The following CACTIN variants were observed in gnomAD, a reference collection of about 807,000 sequenced individuals.
The protein encoded by CACTIN is splicing factor Cactin.
In CACTIN, 20 loss-of-function variants were observed where a neutral mutation model predicts 84.9. The observed-to-expected ratio is 0.24, with a 90% CI of 0.17 to 0.34. The LOEUF (loss-of-function observed/expected upper bound fraction) is 0.34. Among genes scored for constraint, CACTIN ranks in the 10% least tolerant of loss-of-function variants. CACTIN has a pLI of 1.00. For synonymous variants in CACTIN, 549 were observed against 467.9 expected (o/e 1.17, Z -2.24); for missense variants, 897 against 1,117.2 (o/e 0.80, Z 2.81).
rs745644748 is a variant in CACTIN at position 3,611,250 on chromosome 19, C to T, written c.*673G>A. The T allele has an allele frequency of 7.4e-5, 33 of 448,072 alleles. No individual in the cohort carries two copies. Among genetic ancestry groups the T allele is most frequent in the Non-Finnish European group, 1.2e-4 (26 of 223,506 alleles). The allele number at this position is 448,072 out of a possible 1,614,324, so 27.8% of individuals were successfully genotyped here. A position where few individuals can be genotyped will look rare whatever the true frequency, so the allele number is the denominator to read the frequency against. On this transcript the variant is annotated 3_prime_UTR_variant, in exon 10 of 10. Coordinates refer to ENST00000429344, the MANE Select transcript of CACTIN (RefSeq NM_001080543.2). Reference sequence around the variant, plus strand: ...ATACCCGCTGCGGGGAAATGGACCCCACCAGCCAGCACGGGGTGAGTTGGG... The same window carrying T: ...ATACCCGCTGCGGGGAAATGGACCCTACCAGCCAGCACGGGGTGAGTTGGG...
Position 3,615,794 on chromosome 19 carries a change from A to AATC in CACTIN, c.1163-1206_1163-1205insGAT, listed in dbSNP as rs1461869663. On this transcript the variant is annotated intron_variant, in intron 6 of 9. Coordinates refer to ENST00000429344, the MANE Select transcript of CACTIN (RefSeq NM_001080543.2). This position sits in a 1 kb window ranked among gnomAD's most constrained non-coding sequence, Gnocchi z 5.2. ...ACACCTACACCACAGGGGACTGGAT[A>AATC]GAGTCTAGACGGACCCGAGTCCCCT... is the stretch of plus-strand genomic sequence containing the variant. The AATC allele has an allele frequency of 6.6e-6, 1 of 152,170 alleles. No individual in the cohort carries two copies. Among genetic ancestry groups the AATC allele is most frequent in the Non-Finnish European group, 1.5e-5 (1 of 68,090 alleles). 9.4% of individuals were successfully genotyped at this position (152,170 alleles called of 1,614,324 possible).
At chr19:3,612,528 G>A in intron 9 of CACTIN, 115 bp from the exon 10 acceptor site, 3 of 1,413,570 alleles carry the variant, frequency 2.1e-6, no homozygotes, top group Non-Finnish European at 2.8e-6. Context: ...AAAACAGGCT[G>A]GGGCGAGCTA....
At chr19:3,618,660 G>A (rs371912528) in intron 6 of CACTIN, among the ~76,000 whole-genome samples, 1 of 152,240 alleles carries the variant, frequency 6.6e-6, no homozygotes, top group Admixed American at 6.5e-5. Flanking sequence ...GGACGCTGCT[G>A]GCCCTGCACC....
rs74323194 is a variant in CACTIN at position 3,612,819 on chromosome 19, C to G, written c.1786+239G>C. 2,937 of 710,634 alleles carry G rather than the reference C, an allele frequency of 4.1e-3. 8 individuals are homozygous for G. Among genetic ancestry groups the G allele is most frequent in the Non-Finnish European group, 6.1e-3 (2,418 of 393,614 alleles). 44.0% of individuals were successfully genotyped at this position (710,634 alleles called of 1,614,324 possible). A position where few individuals can be genotyped will look rare whatever the true frequency, so the allele number is the denominator to read the frequency against. On this transcript the variant is annotated intron_variant, in intron 9 of 9. Coordinates refer to ENST00000429344, the MANE Select transcript of CACTIN (RefSeq NM_001080543.2). ...TGCCCAGGGAGTGCTCGGACAGCGG[C>G]CGGTAAAAGCTTCCACCACCTGTGG...
Position 3,626,745 on chromosome 19 carries a change from G to A in CACTIN, c.18C>T (p.Arg6=), listed in dbSNP as rs1281057836. The change falls in exon 1 of 10, where the codon CGC becomes CGT. Residue 6 remains arginine (R), a synonymous_variant. Transcript: ENST00000429344. ...GGCGACCCGCGGACCGCGAGCGCGA[G>A]CGTGTGTCCCGACCCATCGGCTGGG... is the stretch of plus-strand genomic sequence containing the variant. The part of the protein sequence containing the change: MGRDT[R]SRSRSAGRRG... The A allele has an allele frequency of 2.7e-6, 4 of 1,486,936 alleles. No homozygotes were observed. In the Admixed American group the frequency reaches 6.6e-5, roughly 24 times the overall value. 92.1% of individuals were successfully genotyped at this position (1,486,936 alleles called of 1,614,324 possible). A position where few individuals can be genotyped will look rare whatever the true frequency, so the allele number is the denominator to read the frequency against.
rs2033346826 is a variant in CACTIN at position 3,626,733 on chromosome 19, C to A, written c.30G>T (p.Arg10=). 1.3e-6 allele frequency: 2 copies of A among 1,491,910 alleles called. No homozygotes were observed. The highest frequency in any genetic ancestry group is 1.8e-6 in the Non-Finnish European group (2 of 1,127,334). 92.4% of individuals were successfully genotyped at this position (1,491,910 alleles called of 1,614,324 possible). The change falls in exon 1 of 10, where the codon CGG becomes CGT. Residue 10 remains arginine (R), a synonymous_variant. Transcript: ENST00000429344. MGRDTRSRS[R]SAGRRGRRRQ... is the part of the protein sequence containing the mutation. Reference sequence around the variant, plus strand: ...GCCTTCGGCCCCGGCGACCCGCGGACCGCGAGCGCGAGCGTGTGTCCCGAC... The same window carrying A: ...GCCTTCGGCCCCGGCGACCCGCGGAACGCGAGCGCGAGCGTGTGTCCCGAC...
chr19:3,620,441 C>T, intron 3 of CACTIN, 169 bp from the exon 4 acceptor site: 2 of 818,436 alleles, frequency 2.4e-6, no homozygotes, highest in Non-Finnish European at 4.0e-6. Context: ...GAGGGCCCTC[C>T]TGCCCGAGAC....
rs1281816032 is a variant in CACTIN, at chr19:3,620,411, G to A, written c.739-139C>T. ...TTGGTCCGGAGATGCCTGGGCTGGT[G>A]GACAGACCTTGGGAAGGGAGAGGGC... On this transcript the variant is annotated intron_variant, in intron 3 of 9. Coordinates refer to ENST00000429344, the MANE Select transcript of CACTIN (RefSeq NM_001080543.2). The A allele has an allele frequency of 2.9e-6, 3 of 1,020,032 alleles. No homozygotes were observed. The South Asian group carries it at 4.1e-5, about 14-fold the overall frequency. 63.2% of individuals were successfully genotyped at this position (1,020,032 alleles called of 1,614,324 possible). A position where few individuals can be genotyped will look rare whatever the true frequency, so the allele number is the denominator to read the frequency against.
rs189282144 is a variant in CACTIN at position 3,614,647 on chromosome 19, C to T, written c.1163-58G>A. ...CCACATTTCCTACGTGCTCCTCCAC[C>T]CCATCAGGGCCTCCTCCCCTGCCAT... On this transcript the variant is annotated intron_variant, in intron 6 of 9. Coordinates refer to ENST00000429344, the MANE Select transcript of CACTIN (RefSeq NM_001080543.2). 1.5e-4 allele frequency: 215 copies of T among 1,402,524 alleles called. 1 individual carries two copies. In the East Asian group the frequency reaches 4.6e-3, roughly 30 times the overall value. The allele number at this position is 1,402,524 out of a possible 1,614,324, so 86.9% of individuals were successfully genotyped here. A position where few individuals can be genotyped will look rare whatever the true frequency, so the allele number is the denominator to read the frequency against.
At position 3,612,508 on chromosome 19, in the gene CACTIN, C is replaced by T. The variant is rs994708465; in HGVS notation, c.1787-95G>A. 5.5e-6 allele frequency: 8 copies of T among 1,449,810 alleles called. No individual in the cohort carries two copies. In the Admixed American group the frequency reaches 7.7e-5, roughly 14 times the overall value. 89.8% of individuals were successfully genotyped at this position (1,449,810 alleles called of 1,614,324 possible). On this transcript the variant is annotated intron_variant, in intron 9 of 9. Transcript: ENST00000429344. ...TGGCAGGGGCGGCCGCTGGTGCCTC[C>T]CGCAAAAGGAAAACAGGCTGGGGCG...
chr19:3,620,324 G>A, intron 3 of CACTIN, 52 bp from the exon 4 acceptor site: 1 of 1,526,788 alleles, frequency 6.5e-7, no homozygotes, highest in South Asian at 1.2e-5. Flanking sequence ...CTGCAGGGCT[G>A]CGGGGGGAGG....
intron 9 of CACTIN, chr19:3,612,842 T>C (rs1435229317): frequency 1.4e-6 from 1 of 727,182 alleles, no homozygotes; most frequent in Non-Finnish European, 2.4e-6. Context: ...CCACCACCTG[T>C]GGCCCCAAGG....
Position 3,614,561 on chromosome 19 carries a change from G to T in CACTIN, c.1191C>A (p.Ser397=). 6.2e-7 allele frequency: 1 copy of T among 1,607,400 alleles called. No individual in the cohort carries two copies. Among genetic ancestry groups the T allele is most frequent in the Non-Finnish European group, 8.5e-7 (1 of 1,177,230 alleles). The change falls in exon 7 of 10, where the codon TCC becomes TCA. Residue 397 remains serine (S), a synonymous_variant. Coordinates refer to ENST00000429344, the MANE Select transcript of CACTIN (RefSeq NM_001080543.2). Reference sequence around the variant, plus strand: ...ACACCGACTGCACATCAGAGCTGACGGAGGCGTTGACCCCCTCGCGGCGCT... The same window carrying T: ...ACACCGACTGCACATCAGAGCTGACTGAGGCGTTGACCCCCTCGCGGCGCT... ...PGERREGVNA[S]VSSDVQSVFK...
Position 3,619,008 on chromosome 19 carries a change from G to A in CACTIN, c.1048-19C>T, listed in dbSNP as rs1242616726. The A allele has an allele frequency of 1.9e-6, 3 of 1,550,664 alleles. No individual in the cohort carries two copies. The highest frequency in any genetic ancestry group is 1.7e-4 in the Middle Eastern group (1 of 5,958). ...TGTAGACCTGGGGGCAGGGGGCAGG[G>A]GTCAGGACACGGGTGTGGCTGGGGT... On this transcript the variant is annotated intron_variant, in intron 5 of 9. Transcript: ENST00000429344.
chr19:3,613,021 ACTGGCCCCACCCC>A, intron 9 of CACTIN, 24 bp downstream of exon 9: 2 of 1,350,086 alleles, frequency 1.5e-6, no homozygotes, highest in Non-Finnish European at 2.0e-6. Context: ...AGCTCGCCCC[ACTGGCCCCACCCC>A]CTGGCCTCCA....
Position 3,620,809 on chromosome 19 carries a change from G to C in CACTIN, c.643-7C>G. ...TCCCCTTCTTCTCCAGGGCCTGGAA[G>C]CACCAGGCACACCTGCCCTGAGCAC... On this transcript the variant is annotated splice_polypyrimidine_tract_variant and splice_region_variant and intron_variant, in intron 2 of 9. Coordinates refer to ENST00000429344, the MANE Select transcript of CACTIN (RefSeq NM_001080543.2). The C allele has an allele frequency of 6.2e-7, 1 of 1,608,796 alleles. No individual in the cohort carries two copies. The highest frequency in any genetic ancestry group is 8.5e-7 in the Non-Finnish European group (1 of 1,176,414).
rs1266455635 is a variant in CACTIN at position 3,615,304 on chromosome 19, C to G, written c.1163-715G>C. 1 of 155,688 alleles carries G rather than the reference C, an allele frequency of 6.4e-6. No homozygotes were observed. Among genetic ancestry groups the G allele is most frequent in the East Asian group, 1.9e-4 (1 of 5,210 alleles). 9.6% of individuals were successfully genotyped at this position (155,688 alleles called of 1,614,324 possible). ...GAGTGGGGTGCTGGGAGGCTGGAGC[C>G]TAGCCTGACTCCGCGTGCTCTGCCC... On this transcript the variant is annotated intron_variant, in intron 6 of 9. Transcript: ENST00000429344. This position sits in a 1 kb window ranked among gnomAD's most constrained non-coding sequence, Gnocchi z 5.2.
At position 3,613,081 on chromosome 19, in the gene CACTIN, G is replaced by A. The variant is rs1318364481; in HGVS notation, c.1763C>T (p.Ser588Leu). ...PDEDLQRLQL[S>L]RQQLQVTGDA... ...ACCCGTGACCTGGAGCTGCTGGCGC[G>A]AGAGCTGCAGGCGCTGCAGGTCCTC... The change falls in exon 9 of 10, where the codon TCG (serine) becomes TTG (leucine). Residue 588 changes from serine (S) to leucine (L), a missense_variant. Ser to Leu is a moderately radical substitution (Grantham distance 145). Coordinates refer to ENST00000429344, the MANE Select transcript of CACTIN (RefSeq NM_001080543.2). 1.3e-6 allele frequency: 2 copies of A among 1,579,450 alleles called. No homozygotes were observed.
intron 7 of CACTIN, chr19:3,613,876 G>C (rs1442769823): frequency 4.0e-6 from 2 of 503,940 alleles, no homozygotes; most frequent in African/African-American, 3.9e-5. Context: ...CAGGAGAAGG[G>C]GCCCAGCAGG....
Sources: gnomAD v4.1 joint callset for allele counts (sites outside exome capture counted in the v4.1 genomes callset) on GRCh38, gnomAD v4.1.1 for gene constraint, Gnocchi (gnomAD v3.1) non-coding constraint, MANE v1.5 for transcripts, NCBI Gene and HGNC (gene_info 2026-07-23, HGNC 2026-07-21) for gene names.